COL5A3: variants seen among roughly 807,000 people sequenced by gnomAD.
The protein encoded by COL5A3 is collagen alpha-3(V) chain.
In COL5A3, 172 loss-of-function variants were observed where a neutral mutation model predicts 250.0. That is an observed-to-expected ratio of 0.69 (90% confidence interval 0.61 to 0.78). The LOEUF (loss-of-function observed/expected upper bound fraction) is 0.78. COL5A3 is among the 30% of genes least tolerant of loss of function. COL5A3 has a pLI of 0.00. For missense variants in COL5A3, 2,340 were observed against 2,334.4 expected (o/e 1.00, Z -0.05); for synonymous variants, 937 against 900.4 (o/e 1.04, Z -0.73).
At chr19:9,964,408 T>G (rs1474857882) in intron 64 of COL5A3, among the ~76,000 whole-genome samples, 2 of 152,126 alleles carry the variant, frequency 1.3e-5, no homozygotes, top group African/African-American at 4.8e-5. Flanking sequence ...AAGACCAGCC[T>G]GGGCAACATA....
intron 33 of COL5A3, 24 bp downstream of exon 33, chr19:9,981,064 A>G (rs776779878): frequency 3.1e-6 from 5 of 1,610,360 alleles, no homozygotes; most frequent in Non-Finnish European, 3.4e-6. Context: ...CCAGCAGGGT[A>G]GGGGGCACTG....
At chr19:9,972,114 C>A (rs144166759) in intron 51 of COL5A3, among the ~76,000 whole-genome samples, 459 of 152,364 alleles carry the variant, frequency 3.0e-3, no homozygotes, top group Middle Eastern at 0.017. Context: ...GCCACTCATT[C>A]ATTCATCCAT....
Position 9,995,619 on chromosome 19 carries a change from T to C in COL5A3, c.1534-2A>G. On this transcript the variant is annotated splice_acceptor_variant, in intron 15 of 66. Transcript: ENST00000264828. LOFTEE classifies it high-confidence loss of function. ...AGGTCCCTGCAGGCCTCGGGGACCC[T>C]AGAAGAAAGCAAAAAGGAGGAAGGA... 1.3e-6 allele frequency: 2 copies of C among 1,580,836 alleles called. No individual in the cohort carries two copies. The highest frequency in any genetic ancestry group is 1.9e-5 in the Admixed American group (1 of 51,916).
At chr19:9,999,264 C>A (rs918551425) in intron 8 of COL5A3, among the ~76,000 whole-genome samples, 1 of 150,362 alleles carries the variant, frequency 6.7e-6, no homozygotes, top group Non-Finnish European at 1.5e-5. Flanking sequence ...AATCATGGCT[C>A]ACTGCAACCT....
At chr19:9,980,508 T>A in intron 35 of COL5A3, 140 bp downstream of exon 35, 3 of 1,249,180 alleles carry the variant, frequency 2.4e-6, no homozygotes, top group Non-Finnish European at 3.3e-6. Flanking sequence ...ACTACAGGCG[T>A]GCACCACCAC....
chr19:10,010,192 CCCACGCCCTTCCCCT>C, intron 1 of COL5A3, 91 bp downstream of exon 1: 1 of 821,258 alleles, frequency 1.2e-6, no homozygotes, highest in East Asian at 3.4e-5. Context: ...GCACGCGGCG[CCCACGCCCTTCCCCT>C]CCACGCCCCT....
intron 62 of COL5A3, 110 bp downstream of exon 62, chr19:9,967,237 G>C (rs2145056308): frequency 2.8e-6 from 2 of 725,812 alleles, no homozygotes; most frequent in East Asian, 3.3e-5. Flanking sequence ...CACCTAGTGT[G>C]TGCCTGGCCC....
At chr19:9,969,037 A>G (rs2086792768) in intron 57 of COL5A3, 2 of 579,738 alleles carry the variant, frequency 3.4e-6, no homozygotes, top group Admixed American at 3.3e-5. Flanking sequence ...TAGACCATCA[A>G]GGTGGAGTAT....
chr19:9,971,340 G>A, intron 51 of COL5A3, 82 bp from the exon 52 acceptor site: 1 of 1,100,274 alleles, frequency 9.1e-7, no homozygotes, highest in Non-Finnish European at 1.3e-6. Flanking sequence ...CTGTATCCAG[G>A]AACAGTTTGG....
chr19:9,969,506 A>C (rs1320678097), intron 56 of COL5A3, 69 bp downstream of exon 56: 10 of 1,593,830 alleles, frequency 6.3e-6, no homozygotes, highest in Non-Finnish European at 7.7e-6. Flanking sequence ...CGGTGATGGG[A>C]TCACAAGCTG....
At chr19:10,000,717 G>A (rs2087348175) in intron 8 of COL5A3, among the ~76,000 whole-genome samples, 1 of 152,048 alleles carries the variant, frequency 6.6e-6, no homozygotes, top group Non-Finnish European at 1.5e-5. Context: ...TCAACTATTA[G>A]CACAGTGCCT....
Position 10,001,885 on chromosome 19 carries a change from G to A in COL5A3, c.850-4C>T. 6.2e-7 allele frequency: 1 copy of A among 1,608,286 alleles called. No homozygotes were observed. The highest frequency in any genetic ancestry group is 1.1e-5 in the South Asian group (1 of 90,850). ...TCTTGGGGATGTCAGTGGAGGTCTG[G>A]AGCAGGGATGGAGGGAGCCTTGGGT... On this transcript the variant is annotated splice_polypyrimidine_tract_variant and splice_region_variant and intron_variant, in intron 6 of 66. Coordinates refer to ENST00000264828, the MANE Select transcript of COL5A3 (RefSeq NM_015719.4).
chr19:9,970,890 GC>G, intron 53 of COL5A3, 84 bp downstream of exon 53: 1 of 1,274,174 alleles, frequency 7.8e-7, no homozygotes, highest in Non-Finnish European at 1.1e-6. Flanking sequence ...TACCCCACTA[GC>G]CCACTCCCCT....
At position 9,980,704 on chromosome 19, in the gene COL5A3, T is replaced by C. The variant is rs748167982; in HGVS notation, c.2560-12A>G. The C allele has an allele frequency of 4.3e-6, 7 of 1,612,064 alleles. No homozygotes were observed. Among genetic ancestry groups the C allele is most frequent in the Middle Eastern group, 1.6e-4 (1 of 6,082 alleles). On this transcript the variant is annotated splice_polypyrimidine_tract_variant and intron_variant, in intron 34 of 66. Coordinates refer to ENST00000264828, the MANE Select transcript of COL5A3 (RefSeq NM_015719.4). ...TGGCCCACATCGCCCTAGGACAGAG[T>C]GAATGAGACTCAGGCCCCAGAACAA...
chr19:9,965,642 G>A (rs573503749), intron 64 of COL5A3, among the ~76,000 whole-genome samples: 3 of 151,330 alleles, frequency 2.0e-5, no homozygotes, highest in South Asian at 4.2e-4. Context: ...TAGTAGAGAC[G>A]GGGTTTCACC....
Position 9,974,371 on chromosome 19 carries a change from C to T in COL5A3, c.3380G>A (p.Gly1127Asp), listed in dbSNP as rs1288420937. Residue 1127 changes from glycine (G) to aspartate (D), a missense_variant, in exon 46 of 67, where the codon GGC becomes GAC. Transcript: ENST00000264828. ...GTCATCTCCTTTCTGCCCAAAGAGG[C>T]CTGGGGGTCCCCGGCGCCCCTGAGC... ...DGAQGRRGPP[G>D]LFGQKGDDGV... 2 of 1,610,956 alleles carry T rather than the reference C, an allele frequency of 1.2e-6. No individual in the cohort carries two copies. The highest frequency in any genetic ancestry group is 1.7e-5 in the Admixed American group (1 of 59,308).
In COL5A3 at chr19:9,989,303, T is replaced by C; in HGVS notation, c.2091+19A>G. The C allele has an allele frequency of 6.2e-7, 1 of 1,614,130 alleles. No individual in the cohort carries two copies. The highest frequency in any genetic ancestry group is 8.5e-7 in the Non-Finnish European group (1 of 1,179,980). ...CCCGACCCTCGTCCCCAACCCAGCC[T>C]AACCTCCTGGTCACTCACCTGAGCC... On this transcript the variant is annotated intron_variant, in intron 26 of 66. Transcript: ENST00000264828.
intron 8 of COL5A3, among the ~76,000 whole-genome samples, chr19:9,999,048 CTTTCTCTTTT>C (rs558554643): frequency 0.034 from 4,847 of 142,488 alleles, 278 homozygotes; most frequent in African/African-American, 0.12. Flanking sequence ...CTTTCTCTTT[CTTTCTCTTTT>C]TCTTTCTTCT....
chr19:9,993,024 G>A lies in COL5A3; in HGVS notation c.1793C>T (p.Pro598Leu), dbSNP rs147814824. 4.1e-5 allele frequency: 66 copies of A among 1,613,430 alleles called. No homozygotes were observed. The Middle Eastern group carries it at 4.9e-4, about 12-fold the overall frequency. Residue 598 changes from proline (P) to leucine (L), a missense_variant and splice_region_variant, in exon 20 of 67, where the codon CCG (proline) becomes CTG (leucine). Pro to Leu is a moderately conservative substitution (Grantham distance 98). Around this residue, in one of 3 missense-constraint regions of COL5A3, gnomAD observed 1,152 missense variants for 1,146.3 expected, o/e 1.00. Coordinates refer to ENST00000264828, the MANE Select transcript of COL5A3 (RefSeq NM_015719.4). Reference sequence around the variant, plus strand: ...GGCCCAGGGATCCCTGATACTCACCGGCTCCCCAGCCTGGCCAGTGGGCCC... The same window carrying A: ...GGCCCAGGGATCCCTGATACTCACCAGCTCCCCAGCCTGGCCAGTGGGCCC... ...PPGPTGQAGE[P>L]GPRGLLGPRG...
Sources: gnomAD v4.1 joint callset for allele counts (sites outside exome capture counted in the v4.1 genomes callset) on GRCh38, gnomAD v4.1.1 for gene constraint, gnomAD v4.1.1 regional missense constraint, MANE v1.5 for transcripts, NCBI Gene and HGNC (gene_info 2026-07-23, HGNC 2026-07-21) for gene names.